CSMD1: variants seen among roughly 807,000 people sequenced by gnomAD.
The protein encoded by CSMD1 is CUB and sushi domain-containing protein 1.
Under a neutral mutation model 417.5 loss-of-function variants are expected in CSMD1, and 213 were observed. The observed-to-expected ratio is 0.51, with a 90% CI of 0.46 to 0.57. The LOEUF is 0.57. CSMD1 is among the 20% of genes least tolerant of loss of function. CSMD1 has a pLI of 0.00. For missense variants in CSMD1, 6,923 were observed against 4,529.7 expected, an observed-to-expected ratio of 1.53 and a Z score of -15.17; for synonymous variants, 2,862 against 1,736.8, an observed-to-expected ratio of 1.65 and a Z score of -16.11.
chr8:3,544,543 A>G (rs936483833), intron 10 of CSMD1, among the ~76,000 whole-genome samples: 3 of 152,034 alleles, frequency 2.0e-5, no homozygotes, highest in Non-Finnish European at 4.4e-5. Flanking sequence ...CTCGCCCTGA[A>G]TTGTTTCTTG....
chr8:3,322,353 A>C (rs1563271088), intron 23 of CSMD1, among the ~76,000 whole-genome samples: 1 of 152,196 alleles, frequency 6.6e-6, no homozygotes, highest in Non-Finnish European at 1.5e-5. Flanking sequence ...TGAACATTCA[A>C]ATTAATAAGA....
At chr8:4,701,627 G>C (rs770932839) in intron 1 of CSMD1, among the ~76,000 whole-genome samples, 2 of 152,174 alleles carry the variant, frequency 1.3e-5, no homozygotes, top group Middle Eastern at 3.4e-3. Flanking sequence ...GCTGTTGACA[G>C]TATACAGGAG....
chr8:4,961,062 C>T (rs192444712), intron 1 of CSMD1, among the ~76,000 whole-genome samples: 3 of 152,258 alleles, frequency 2.0e-5, no homozygotes, highest in Non-Finnish European at 4.4e-5. Context: ...ATAGTCACTA[C>T]ACTTTGGAGT....
At chr8:2,942,051 C>T (rs1801909337) in intron 69 of CSMD1, among the ~76,000 whole-genome samples, 2 of 152,020 alleles carry the variant, frequency 1.3e-5, no homozygotes, top group African/African-American at 4.8e-5. Flanking sequence ...GAAAGGACAA[C>T]AAAAAATCTT....
At position 3,188,279 on chromosome 8, in the gene CSMD1, T is replaced by C. The variant is rs531954223; in HGVS notation, c.5524-314A>G. Among the ~76,000 whole-genome samples, 57 of 146,362 alleles carry C rather than the reference T, an allele frequency of 3.9e-4. 1 individual carries two copies. The South Asian group carries it at 6.7e-3, about 17-fold the overall frequency. Reference sequence around the variant, plus strand: ...AACAAAACAAACCATGAAAGAACAATTTATTTTTCTTTTTCTTTTCCTTTC... The same window carrying C: ...AACAAAACAAACCATGAAAGAACAACTTATTTTTCTTTTTCTTTTCCTTTC... On this transcript the variant is annotated intron_variant, in intron 35 of 69. Transcript: ENST00000635120.
intron 12 of CSMD1, among the ~76,000 whole-genome samples, chr8:3,458,987 C>T (rs1476332430): frequency 1.3e-5 from 2 of 152,166 alleles, no homozygotes; most frequent in African/African-American, 4.8e-5. Context: ...TCAAGCTGGG[C>T]CTTGGGGAAG....
At chr8:4,239,884 G>T (rs1010138520) in intron 3 of CSMD1, among the ~76,000 whole-genome samples, 1 of 152,156 alleles carries the variant, frequency 6.6e-6, no homozygotes, top group Non-Finnish European at 1.5e-5. Flanking sequence ...CTTATCCTTT[G>T]CAGCATTAGC....
At chr8:4,044,039 T>A (rs1265719277) in intron 3 of CSMD1, among the ~76,000 whole-genome samples, 1 of 152,112 alleles carries the variant, frequency 6.6e-6, no homozygotes, top group Non-Finnish European at 1.5e-5. Context: ...AAAAAAACGC[T>A]GAATAATTAG....
chr8:4,166,767 C>G (rs147367878), intron 3 of CSMD1, among the ~76,000 whole-genome samples: 2 of 152,110 alleles, frequency 1.3e-5, no homozygotes, highest in African/African-American at 4.8e-5. Flanking sequence ...ATAAAAAAAG[C>G]AAAATGTAGC....
intron 1 of CSMD1, among the ~76,000 whole-genome samples, chr8:4,776,910 CACA>C (rs1232870292): frequency 1.3e-5 from 2 of 152,116 alleles, no homozygotes; most frequent in African/African-American, 4.8e-5. Context: ...ATAACACTTC[CACA>C]ACGTTACTAA....
intron 5 of CSMD1, among the ~76,000 whole-genome samples, chr8:3,930,635 G>A (rs1851595): frequency 0.72 from 107,528 of 149,286 alleles, 40,751 homozygotes; most frequent in African/African-American, 0.86. Context: ...CAGGTTATAA[G>A]TGACCCTGTC....
At position 3,175,690 on chromosome 8, in the gene CSMD1, CAGACGTG is replaced by C. The variant is rs1190222450; in HGVS notation, c.5725+5413_5725+5419del. ...GCTTCTGTATCTACGAGCAGAGCTTCAGACGTGGGAACATGGCTTCCACACTGGACCA... is the reference window on the plus strand; with the variant it reads ...GCTTCTGTATCTACGAGCAGAGCTTCGGAACATGGCTTCCACACTGGACCA... On this transcript the variant is annotated intron_variant, in intron 37 of 69. Transcript: ENST00000635120. Among the ~76,000 whole-genome samples, 5 of 97,768 alleles carry C rather than the reference CAGACGTG, an allele frequency of 5.1e-5. No individual in the cohort carries two copies. In the East Asian group the frequency reaches 1.3e-3, roughly 26 times the overall value. 64.1% of individuals were successfully genotyped at this position (97,768 alleles called of 152,430 possible). A position where few individuals can be genotyped will look rare whatever the true frequency, so the allele number is the denominator to read the frequency against.
intron 10 of CSMD1, among the ~76,000 whole-genome samples, chr8:3,521,964 T>C (rs1397188621): frequency 6.6e-6 from 1 of 152,222 alleles, no homozygotes; most frequent in Non-Finnish European, 1.5e-5. Context: ...AAAAATGCAA[T>C]TAACAAAACT....
Position 3,280,530 on chromosome 8 carries a change from G to T in CSMD1, c.4153+3614C>A, listed in dbSNP as rs80272828. On this transcript the variant is annotated intron_variant, in intron 26 of 69. Coordinates refer to ENST00000635120, the MANE Select transcript of CSMD1 (RefSeq NM_033225.6). Reference sequence around the variant, plus strand: ...GCCTCAGAGTCAATGTTATATTCTAGCCCCTAAATGAGTATTTCTGAAAAT... The same window carrying T: ...GCCTCAGAGTCAATGTTATATTCTATCCCCTAAATGAGTATTTCTGAAAAT... 1.8e-3 allele frequency among the ~76,000 whole-genome samples: 276 copies of T among 152,134 alleles called. 1 individual carries two copies. Among genetic ancestry groups the T allele is most frequent in the African/African-American group, 6.5e-3 (268 of 41,484 alleles).
chr8:2,993,980 C>CT (rs113866007), intron 54 of CSMD1, among the ~76,000 whole-genome samples: 10 of 131,390 alleles, frequency 7.6e-5, no homozygotes, highest in African/African-American at 3.7e-4. Context: ...CCCATCCCTA[C>CT]TAAAAAAAAA....
Position 3,496,829 on chromosome 8 carries a change from CA to C in CSMD1, c.1345-3104del, listed in dbSNP as rs879421273. On this transcript the variant is annotated intron_variant, in intron 10 of 69. Transcript: ENST00000635120. ...TGGGCAACAGAGTGAGACTCCGTCT[CA>C]AAAAAAAAATTATGTTTAAATTTTG... is the stretch of plus-strand genomic sequence containing the variant. 3.9e-4 allele frequency among the ~76,000 whole-genome samples: 58 copies of C among 149,622 alleles called. 1 individual carries two copies. The highest frequency in any genetic ancestry group is 3.4e-3 in the Middle Eastern group (1 of 290).
chr8:4,899,904 T>C (rs528639248), intron 1 of CSMD1, among the ~76,000 whole-genome samples: 6 of 152,314 alleles, frequency 3.9e-5, no homozygotes, highest in Middle Eastern at 3.4e-3. Context: ...GCTCTGTCCC[T>C]AGAGTTTACC....
chr8:3,545,212 G>T (rs11994159), intron 10 of CSMD1, among the ~76,000 whole-genome samples: 3 of 152,060 alleles, frequency 2.0e-5, no homozygotes, highest in East Asian at 1.9e-4. Flanking sequence ...TTGTTTCCAT[G>T]TGTCTGTCTA....
intron 10 of CSMD1, among the ~76,000 whole-genome samples, chr8:3,521,786 T>A (rs1281072140): frequency 6.6e-6 from 1 of 152,186 alleles, no homozygotes; most frequent in Admixed American, 6.5e-5. Flanking sequence ...ATGCATTGAA[T>A]GACAAAGAAT....
Sources: gnomAD v4.1 joint callset for allele counts (sites outside exome capture counted in the v4.1 genomes callset) on GRCh38, gnomAD v4.1.1 for gene constraint, MANE v1.5 for transcripts, NCBI Gene and HGNC (gene_info 2026-07-23, HGNC 2026-07-21) for gene names.